CPA6: variants seen among roughly 807,000 people sequenced by gnomAD.
CPA6 encodes carboxypeptidase B.
A neutral mutation model predicts 63.3 loss-of-function variants in CPA6; 58 were observed. The observed-to-expected ratio is 0.92, with a 90% CI of 0.74 to 1.14. The LOEUF is 1.14. Among genes scored for constraint, CPA6 ranks in the 50% most tolerant of loss-of-function variants. The pLI is 0.00. For missense variants in CPA6, 565 were observed against 526.6 expected (o/e 1.07, Z -0.71); for synonymous variants, 185 against 179.0 (o/e 1.03, Z -0.27).
intron 1 of CPA6, among the ~76,000 whole-genome samples, chr8:67,658,107 C>T (rs1016069302): frequency 6.6e-6 from 1 of 152,184 alleles, no homozygotes; most frequent in Non-Finnish European, 1.5e-5. Context: ...ACAGCGAATA[C>T]TCTTCCCTAC....
chr8:67,430,790 C>A (rs182464809), intron 9 of CPA6, among the ~76,000 whole-genome samples: 2 of 152,126 alleles, frequency 1.3e-5, no homozygotes, highest in South Asian at 4.1e-4. Flanking sequence ...AGCATCCCCC[C>A]ACCCTGTTGT....
chr8:67,583,201 C>T (rs1318481555), intron 2 of CPA6, among the ~76,000 whole-genome samples: 1 of 151,856 alleles, frequency 6.6e-6, no homozygotes, highest in African/African-American at 2.4e-5. Flanking sequence ...GTGCAGCTGC[C>T]TTGTGCAACT....
chr8:67,474,878 G>A (rs985959876), intron 8 of CPA6, among the ~76,000 whole-genome samples: 1 of 152,118 alleles, frequency 6.6e-6, no homozygotes, highest in Non-Finnish European at 1.5e-5. Flanking sequence ...ACACTCAGAA[G>A]GCTGAGGTGG....
Position 67,531,528 on chromosome 8 carries a change from C to T in CPA6, c.193-13481G>A, listed in dbSNP as rs534021075. Among the ~76,000 whole-genome samples, 9 of 152,160 alleles carry T rather than the reference C, an allele frequency of 5.9e-5. No homozygotes were observed. In the East Asian group the frequency reaches 1.7e-3, roughly 29 times the overall value. On this transcript the variant is annotated intron_variant, in intron 2 of 10. Transcript: ENST00000297770. ...ATATAGCAGTATATATCGCTATATA[C>T]AGTGAACATATATGAATATAAATGT...
chr8:67,658,513 A>G (rs1051461119), intron 1 of CPA6, among the ~76,000 whole-genome samples: 1 of 151,828 alleles, frequency 6.6e-6, no homozygotes, highest in African/African-American at 2.4e-5. Flanking sequence ...TTATGCCACA[A>G]CTCTCTCCCT....
At chr8:67,729,257 GAT>G (rs1376477043) in intron 1 of CPA6, among the ~76,000 whole-genome samples, 3 of 152,198 alleles carry the variant, frequency 2.0e-5, no homozygotes, top group African/African-American at 7.2e-5. Context: ...CTGTAAACCT[GAT>G]AGAGCTTTGA....
At chr8:67,730,917 C>A (rs1179305162) in intron 1 of CPA6, among the ~76,000 whole-genome samples, 3 of 152,100 alleles carry the variant, frequency 2.0e-5, no homozygotes, top group Non-Finnish European at 4.4e-5. Context: ...ACTGTATGTT[C>A]AAGGGCACAA....
At position 67,496,080 on chromosome 8, in the gene CPA6, G is replaced by T. The variant is rs149293642; in HGVS notation, c.636+10707C>A. On this transcript the variant is annotated intron_variant, in intron 6 of 10. Transcript: ENST00000297770. Reference sequence around the variant, plus strand: ...ATCAAATTCCAACTTCTCAGTCAAGGCTGGAGAATCATTTTCTCCACAAAG... The same window carrying T: ...ATCAAATTCCAACTTCTCAGTCAAGTCTGGAGAATCATTTTCTCCACAAAG... Among the ~76,000 whole-genome samples the T allele has an allele frequency of 2.0e-4, 30 of 152,138 alleles. 1 individual carries two copies. The highest frequency in any genetic ancestry group is 7.0e-4 in the African/African-American group (29 of 41,502).
intron 2 of CPA6, among the ~76,000 whole-genome samples, chr8:67,597,815 G>A (rs1367205720): frequency 6.6e-6 from 1 of 152,156 alleles, no homozygotes; most frequent in Non-Finnish European, 1.5e-5. Context: ...TTTGGAACCA[G>A]GTGGATTGTT....
intron 2 of CPA6, among the ~76,000 whole-genome samples, chr8:67,573,248 A>C (rs1319209569): frequency 6.6e-6 from 1 of 152,220 alleles, no homozygotes; most frequent in Non-Finnish European, 1.5e-5. Context: ...CCTCTATTTA[A>C]TTTAGTATTG....
chr8:67,617,426 T>C (rs1022467936), intron 2 of CPA6, among the ~76,000 whole-genome samples: 1 of 152,190 alleles, frequency 6.6e-6, no homozygotes, highest in Non-Finnish European at 1.5e-5. Context: ...TCAAAATTCA[T>C]GCTACAGAAG....
chr8:67,484,237 T>A (rs76535034), intron 7 of CPA6, among the ~76,000 whole-genome samples: 1 of 151,366 alleles, frequency 6.6e-6, no homozygotes, highest in African/African-American at 2.4e-5. Flanking sequence ...GCCCGGCTAA[T>A]TTTTTTTTGT....
intron 6 of CPA6, among the ~76,000 whole-genome samples, chr8:67,492,143 C>A (rs1230374744): frequency 6.6e-6 from 1 of 152,148 alleles, no homozygotes; most frequent in Admixed American, 6.5e-5. Flanking sequence ...GAACAAATAG[C>A]TGACTAGGAA....
At chr8:67,684,001 G>GTATATATATATATATA (rs3056573) in intron 1 of CPA6, among the ~76,000 whole-genome samples, 19 of 116,976 alleles carry the variant, frequency 1.6e-4, no homozygotes, top group South Asian at 6.2e-4. Context: ...ATTTTAAAAT[G>GTATATATATATATATA]TATATATATA....
chr8:67,715,480 T>C (rs1817358955), intron 1 of CPA6, among the ~76,000 whole-genome samples: 1 of 152,226 alleles, frequency 6.6e-6, no homozygotes, highest in Non-Finnish European at 1.5e-5. Context: ...CATTTTCCAA[T>C]GTATTCCAGC....
chr8:67,517,402 A>T (rs1406115735), intron 3 of CPA6, among the ~76,000 whole-genome samples: 3 of 152,136 alleles, frequency 2.0e-5, no homozygotes, highest in Non-Finnish European at 4.4e-5. Flanking sequence ...ATGGGGCAGC[A>T]CCATCCACAA....
intron 1 of CPA6, among the ~76,000 whole-genome samples, chr8:67,644,469 G>A (rs1339545747): frequency 6.6e-6 from 1 of 152,174 alleles, no homozygotes; most frequent in Non-Finnish European, 1.5e-5. Context: ...AGCAGGGTGT[G>A]TGTGAGCTTG....
intron 1 of CPA6, among the ~76,000 whole-genome samples, chr8:67,700,032 A>G (rs1346098053): frequency 1.3e-5 from 2 of 152,254 alleles, no homozygotes; most frequent in African/African-American, 4.8e-5. Flanking sequence ...CCACGACTCA[A>G]AAGGATTTTA....
rs956222156 is a variant in CPA6, at chr8:67,569,680, G to A, written c.193-51633C>T. 32 of 283,596 alleles carry A rather than the reference G, an allele frequency of 1.1e-4. No individual in the cohort carries two copies. In the East Asian group the frequency reaches 3.2e-3, roughly 28 times the overall value. 17.6% of individuals were successfully genotyped at this position (283,596 alleles called of 1,614,324 possible). ...TATATCCAAACTGTGTTTTAAGCAG[G>A]TTACAGGGGTTACTAGAGACATTAT... On this transcript the variant is annotated intron_variant, in intron 2 of 10. Coordinates refer to ENST00000297770, the MANE Select transcript of CPA6 (RefSeq NM_020361.5).
Sources: allele counts gnomAD v4.1 joint callset (sites outside exome capture counted in the v4.1 genomes callset), GRCh38; gene constraint gnomAD v4.1.1; transcripts MANE v1.5; gene names NCBI Gene and HGNC (gene_info 2026-07-23, HGNC 2026-07-21).